PTPRN2: variants seen among roughly 807,000 people sequenced by gnomAD.
PTPRN2 encodes protein tyrosine phosphatase receptor type N2.
Under a neutral mutation model 118.8 loss-of-function variants are expected in PTPRN2, and 74 were observed. That is an observed-to-expected ratio of 0.62 (90% confidence interval 0.52 to 0.76). The LOEUF is 0.76. PTPRN2 is among the 30% of genes least tolerant of loss of function. PTPRN2 has a pLI of 0.00. For synonymous variants in PTPRN2, 641 were observed against 608.0 expected (o/e 1.05, Z -0.80); for missense variants, 1,481 against 1,394.4 (o/e 1.06, Z -0.99).
At chr7:158,288,702 A>C (rs1799919342) in intron 3 of PTPRN2, among the ~76,000 whole-genome samples, 1 of 152,198 alleles carries the variant, frequency 6.6e-6, no homozygotes, top group South Asian at 2.1e-4. Flanking sequence ...CTAAAGACTT[A>C]AGTGATTTGT....
At chr7:158,053,134 G>C (rs1332178922) in intron 11 of PTPRN2, among the ~76,000 whole-genome samples, 1 of 152,190 alleles carries the variant, frequency 6.6e-6, no homozygotes, top group East Asian at 1.9e-4. Flanking sequence ...CAATAAAAGT[G>C]ATTTTCATAA....
At chr7:158,547,923 G>A (rs1259326211) in intron 1 of PTPRN2, among the ~76,000 whole-genome samples, 1 of 152,216 alleles carries the variant, frequency 6.6e-6, no homozygotes, top group East Asian at 1.9e-4. Context: ...ACCTCCCCCA[G>A]GGAAGCTGTG....
intron 12 of PTPRN2, among the ~76,000 whole-genome samples, chr7:157,737,599 C>A (rs2886773): frequency 1.2e-3 from 177 of 152,358 alleles, no homozygotes; most frequent in African/African-American, 4.1e-3. Flanking sequence ...TGGGCCCAGG[C>A]GCTCCCATTC....
intron 2 of PTPRN2, among the ~76,000 whole-genome samples, chr7:158,359,881 C>T (rs1046466294): frequency 3.3e-5 from 5 of 152,104 alleles, no homozygotes; most frequent in East Asian, 1.9e-4. Flanking sequence ...CTTAGCTTGG[C>T]CCCTCCTTGG....
intron 3 of PTPRN2, among the ~76,000 whole-genome samples, chr7:158,288,995 T>G (rs957099995): frequency 6.6e-6 from 1 of 152,142 alleles, no homozygotes; most frequent in Admixed American, 6.6e-5. Context: ...AATATATCAT[T>G]CTACTCTCTC....
chr7:158,231,508 C>T (rs764744238), intron 3 of PTPRN2, among the ~76,000 whole-genome samples: 26 of 152,044 alleles, frequency 1.7e-4, no homozygotes, highest in Non-Finnish European at 2.9e-4. Context: ...AGAGATAGCC[C>T]GCAATACAAT....
chr7:158,089,226 C>T lies in PTPRN2; in HGVS notation c.1644-7849G>A, dbSNP rs1315333829. Among the ~76,000 whole-genome samples, 12 of 33,016 alleles carry T rather than the reference C, an allele frequency of 3.6e-4. 3 individuals are homozygous for T. The highest frequency in any genetic ancestry group is 8.8e-4 in the Non-Finnish European group (10 of 11,408). 21.7% of individuals were successfully genotyped at this position (33,016 alleles called of 152,430 possible). On this transcript the variant is annotated intron_variant, in intron 10 of 22. Transcript: ENST00000389418. ...GGGAGTCTTCACACAAACCTTCTTC[C>T]CCTGAGGAAAGAGGGAGTCTTCACA... is the stretch of plus-strand genomic sequence containing the variant.
chr7:158,103,915 T>G (rs1585447453), intron 10 of PTPRN2, among the ~76,000 whole-genome samples: 1 of 151,690 alleles, frequency 6.6e-6, no homozygotes, highest in Non-Finnish European at 1.5e-5. Context: ...CAGGCTGGAG[T>G]GCAGTGGCGC....
intron 11 of PTPRN2, among the ~76,000 whole-genome samples, chr7:158,066,003 A>G (rs74876025): frequency 0.057 from 8,718 of 152,236 alleles, 520 homozygotes; most frequent in African/African-American, 0.15. Context: ...CTAACCTCAC[A>G]CAGGGACGGG....
intron 1 of PTPRN2, among the ~76,000 whole-genome samples, chr7:158,528,317 A>G (rs911116107): frequency 3.3e-5 from 5 of 152,112 alleles, no homozygotes; most frequent in Admixed American, 1.3e-4. Context: ...GAGGTTTGCC[A>G]TGGGGTATGA....
chr7:158,381,538 T>C lies in PTPRN2; in HGVS notation c.164-64606A>G, dbSNP rs180824291. Among the ~76,000 whole-genome samples the C allele has an allele frequency of 1.8e-4, 27 of 152,330 alleles. No homozygotes were observed. In the East Asian group the frequency reaches 4.6e-3, roughly 26 times the overall value. ...GCTGTCAGCATTTTAGGCAAAGCCA[T>C]TCAACAAGCCTCTAGGAAGTGCCAA... is the stretch of plus-strand genomic sequence containing the variant. On this transcript the variant is annotated intron_variant, in intron 2 of 22. Transcript: ENST00000389418.
chr7:157,819,463 A>G (rs1157053297), intron 12 of PTPRN2, among the ~76,000 whole-genome samples: 2 of 152,162 alleles, frequency 1.3e-5, no homozygotes, highest in African/African-American at 4.8e-5. Context: ...GGCGCCCTGC[A>G]GGCTCACAGC....
At chr7:157,737,832 G>A (rs79566608) in intron 12 of PTPRN2, among the ~76,000 whole-genome samples, 34,912 of 152,284 alleles carry the variant, frequency 0.23, 4,915 homozygotes, top group Non-Finnish European at 0.33. Context: ...GATGCTGTGC[G>A]TTAATCTGCA....
intron 12 of PTPRN2, chr7:157,865,946 C>T (rs78729453): frequency 0.023 from 3,493 of 152,514 alleles, 54 homozygotes; most frequent in African/African-American, 0.043. Flanking sequence ...TCTGTGACCT[C>T]GCCCCTGCAT....
At chr7:157,900,410 GC>G (rs1797374728) in intron 11 of PTPRN2, among the ~76,000 whole-genome samples, 1 of 152,220 alleles carries the variant, frequency 6.6e-6, no homozygotes, top group African/African-American at 2.4e-5. Context: ...TCCACACTGT[GC>G]CCAGGGTGTC....
chr7:158,185,354 A>G (rs1825050662), intron 5 of PTPRN2, among the ~76,000 whole-genome samples: 1 of 152,236 alleles, frequency 6.6e-6, no homozygotes, highest in Non-Finnish European at 1.5e-5. Flanking sequence ...TTCTATAAAC[A>G]TCACTTAGCT....
intron 12 of PTPRN2, among the ~76,000 whole-genome samples, chr7:157,719,269 G>A (rs1386088295): frequency 1.3e-5 from 2 of 152,222 alleles, no homozygotes; most frequent in Non-Finnish European, 1.5e-5. Flanking sequence ...ACTTCTGAAG[G>A]TTGTGCCTGA....
At chr7:157,569,373 A>C (rs1799649909) in intron 20 of PTPRN2, among the ~76,000 whole-genome samples, 1 of 152,240 alleles carries the variant, frequency 6.6e-6, no homozygotes, top group Non-Finnish European at 1.5e-5. Flanking sequence ...TCCCGAGCGG[A>C]GAGGGGAGGG....
rs570206315 is a variant in PTPRN2, at chr7:158,252,667, C to T, written c.278-47394G>A. ...AGCCACCACGCCAGCTGCACAGACG[C>T]GTGACAGGCACCCCAGTGCTGAAGC... On this transcript the variant is annotated intron_variant, in intron 3 of 22. Coordinates refer to ENST00000389418, the MANE Select transcript of PTPRN2 (RefSeq NM_002847.5). Among the ~76,000 whole-genome samples, 18 of 152,308 alleles carry T rather than the reference C, an allele frequency of 1.2e-4. No individual in the cohort carries two copies. In the South Asian group the frequency reaches 3.1e-3, roughly 26 times the overall value.
Sources: gnomAD v4.1 joint callset for allele counts (sites outside exome capture counted in the v4.1 genomes callset) on GRCh38, gnomAD v4.1.1 for gene constraint, MANE v1.5 for transcripts, NCBI Gene and HGNC (gene_info 2026-07-23, HGNC 2026-07-21) for gene names.